Variants in FBLN7 observed in about 807,000 individuals in gnomAD.
FBLN7 encodes fibulin-7.
A neutral mutation model predicts 44.0 loss-of-function variants in FBLN7; 31 were observed. The ratio of observed to expected loss-of-function variants is 0.70; its 90% CI spans 0.53 to 0.95. The LOEUF (loss-of-function observed/expected upper bound fraction) is 0.95, where lower values mean the gene tolerates loss of function less well. FBLN7 is among the 40% of genes least tolerant of loss of function. FBLN7 has a pLI of 0.00. For synonymous variants in FBLN7, 262 were observed against 253.4 expected, an observed-to-expected ratio of 1.03 and a Z score of -0.32; for missense variants, 573 against 618.5, an observed-to-expected ratio of 0.93 and a Z score of 0.78.
At chr2:112,235,298 G>T in the FBLN7 span, among the ~76,000 whole-genome samples, 518 of 152,200 alleles carry the variant, frequency 3.4e-3, 1 homozygote, top group African/African-American at 0.012. Context: ...TGTTTTATTT[G>T]GTAACATTAT....
At chr2:112,230,973 T>C in the FBLN7 span, 27 of 1,208,902 alleles carry the variant, frequency 2.2e-5, no homozygotes, top group African/African-American at 4.2e-4. Context: ...AAAAATCACA[T>C]AATCATTTTT....
At chr2:112,189,536 T>A (rs552399152), downstream of FBLN7, 7 of 152,386 alleles carry the variant, frequency 4.6e-5, no homozygotes, top group Admixed American at 2.6e-4. Context: ...CTTTTGTCCT[T>A]TCAGAGCTCC....
intron 2 of FBLN7, among the ~76,000 whole-genome samples, chr2:112,162,011 G>A (rs1436395903): frequency 1.3e-5 from 2 of 152,256 alleles, no homozygotes; most frequent in East Asian, 3.9e-4. Flanking sequence ...CACATAGTGG[G>A]AAAACTACCT....
In FBLN7 at chr2:112,180,877, C is replaced by T. The variant is rs376844091; in HGVS notation, c.533-862C>T. On this transcript the variant is annotated intron_variant, in intron 4 of 7. Transcript: ENST00000331203. ...GGCAGAGCTCGCAGTGAGCGGAGAT[C>T]GTGCCACTGCACTCCAGCCTGGGCG... is the stretch of plus-strand genomic sequence containing the variant. 2.5e-3 allele frequency among the ~76,000 whole-genome samples: 304 copies of T among 122,496 alleles called. 1 individual carries two copies. The highest frequency in any genetic ancestry group is 9.5e-3 in the African/African-American group (288 of 30,398). The allele number at this position is 122,496 out of a possible 152,430, so 80.4% of individuals were successfully genotyped here.
intron 3 of FBLN7, among the ~76,000 whole-genome samples, 196 bp from the exon 4 acceptor site, chr2:112,175,518 T>C (rs746891067): frequency 1.6e-4 from 24 of 152,334 alleles, no homozygotes; most frequent in Non-Finnish European, 2.5e-4. Context: ...GGAGATGCAA[T>C]AGGGCTGCAT....
the FBLN7 span, among the ~76,000 whole-genome samples, chr2:112,231,288 G>A: frequency 1.3e-5 from 2 of 152,000 alleles, no homozygotes; most frequent in Non-Finnish European, 2.9e-5. Context: ...TCGTATGGTT[G>A]GCTTCAAAAG....
intron 2 of FBLN7, among the ~76,000 whole-genome samples, chr2:112,160,749 CACGCACACACGCACGCACACGCAG>C (rs1194414364): frequency 2.5e-4 from 22 of 88,538 alleles, no homozygotes; most frequent in African/African-American, 6.1e-4. Context: ...CACACACGCG[CACGCACACACGCACGCACACGCAG>C]ACGCACACGC....
At chr2:112,179,879 C>T (rs1682901881) in intron 4 of FBLN7, among the ~76,000 whole-genome samples, 1 of 152,114 alleles carries the variant, frequency 6.6e-6, no homozygotes, top group African/African-American at 2.4e-5. Context: ...TCCAAAACTA[C>T]AAAAACCCTG....
chr2:112,231,993 T>C, the FBLN7 span: 1 of 1,164,582 alleles, frequency 8.6e-7, no homozygotes, highest in Admixed American at 2.2e-5. Context: ...CCAATTGAAA[T>C]AATGTTATTA....
the FBLN7 span, among the ~76,000 whole-genome samples, chr2:112,225,344 A>G: frequency 2.0e-5 from 3 of 152,190 alleles, no homozygotes; most frequent in Non-Finnish European, 2.9e-5. Context: ...CAGGTGTGGT[A>G]GCACACACCT....
At chr2:112,182,214 G>A (rs1683038121) in intron 5 of FBLN7, among the ~76,000 whole-genome samples, 1 of 152,162 alleles carries the variant, frequency 6.6e-6, no homozygotes, top group South Asian at 2.1e-4. Context: ...CGCCGTGTTG[G>A]TAGAGCGGGC....
At chr2:112,226,571 A>C in the FBLN7 span, among the ~76,000 whole-genome samples, 1 of 132,264 alleles carries the variant, frequency 7.6e-6, no homozygotes, top group South Asian at 2.4e-4. Flanking sequence ...CCTGGGCAAC[A>C]GAGCCAAGAC....
intron 1 of FBLN7, among the ~76,000 whole-genome samples, chr2:112,147,605 C>T (rs1240379289): frequency 6.6e-6 from 1 of 152,200 alleles, no homozygotes; most frequent in Non-Finnish European, 1.5e-5. Context: ...CATTTGGCTC[C>T]CGCCTTGCTG....
chr2:112,234,252 C>CAA, the FBLN7 span: 35 of 1,522,438 alleles, frequency 2.3e-5, no homozygotes, highest in Non-Finnish European at 3.0e-5. Context: ...AAAACAAAAA[C>CAA]AAAAAAACTA....
chr2:112,180,791 C>T (rs1419595307), intron 4 of FBLN7, among the ~76,000 whole-genome samples: 4 of 151,746 alleles, frequency 2.6e-5, no homozygotes, highest in Admixed American at 6.6e-5. Flanking sequence ...GGTGTGGTGG[C>T]GGGCGCCTGT....
chr2:112,236,912 T>C, the FBLN7 span, among the ~76,000 whole-genome samples: 2 of 151,912 alleles, frequency 1.3e-5, no homozygotes, highest in Non-Finnish European at 2.9e-5. Flanking sequence ...AAAACATAGC[T>C]GGGTGTGGTG....
chr2:112,233,511 T>C, the FBLN7 span: 11 of 628,252 alleles, frequency 1.8e-5, no homozygotes, highest in Non-Finnish European at 2.8e-5. Context: ...TAACTGTTAA[T>C]AAATTATAAC....
downstream of FBLN7, among the ~76,000 whole-genome samples, chr2:112,192,697 C>T (rs1336444173): frequency 1.3e-5 from 2 of 152,332 alleles, no homozygotes; most frequent in Non-Finnish European, 1.5e-5. Context: ...GGAAGTCCCT[C>T]GAATGGGTTG....
Position 112,187,021 on chromosome 2 carries a change from G to A in FBLN7, c.948-113G>A, listed in dbSNP as rs1052030879. 6.2e-5 allele frequency: 83 copies of A among 1,337,488 alleles called. No individual in the cohort carries two copies. Among genetic ancestry groups the A allele is most frequent in the Non-Finnish European group, 7.7e-5 (76 of 981,158 alleles). The allele number at this position is 1,337,488 out of a possible 1,614,324, so 82.9% of individuals were successfully genotyped here. ...GCTCCTGGGTGAAGGACCCGTGGCTGGGAAAGGTCATCTAGGTGGCCTCTG... is the reference window on the plus strand; with the variant it reads ...GCTCCTGGGTGAAGGACCCGTGGCTAGGAAAGGTCATCTAGGTGGCCTCTG... On this transcript the variant is annotated intron_variant, in intron 7 of 7. Coordinates refer to ENST00000331203, the MANE Select transcript of FBLN7 (RefSeq NM_153214.3). The surrounding 1 kb of genome is among the most constrained non-coding windows in gnomAD (Gnocchi z 5.1).
Sources: gnomAD v4.1 joint callset for allele counts (sites outside exome capture counted in the v4.1 genomes callset) on GRCh38, gnomAD v4.1.1 for gene constraint, Gnocchi (gnomAD v3.1) non-coding constraint, MANE v1.5 for transcripts, NCBI Gene and HGNC (gene_info 2026-07-23, HGNC 2026-07-21) for gene names.